CNTNAP5: variants seen among roughly 807,000 people sequenced by gnomAD.
The protein encoded by CNTNAP5 is contactin-associated protein-like 5.
A neutral mutation model predicts 150.2 loss-of-function variants in CNTNAP5; 72 were observed. The observed-to-expected ratio is 0.48, with a 90% CI of 0.40 to 0.58. CNTNAP5 has a LOEUF of 0.58. CNTNAP5 is among the 20% of genes least tolerant of loss of function. The pLI is 0.00. For synonymous variants in CNTNAP5, 672 were observed against 619.8 expected (o/e 1.08, Z -1.25); for missense variants, 1,636 against 1,626.2 (o/e 1.01, Z -0.10).
intron 11 of CNTNAP5, among the ~76,000 whole-genome samples, chr2:124,565,740 C>T (rs1215668528): frequency 6.6e-6 from 1 of 151,830 alleles, no homozygotes; most frequent in African/African-American, 2.4e-5. Context: ...GCTGGGACTA[C>T]AGGTGCCCAC....
chr2:124,638,182 TATATATGAG>T (rs1241873840), intron 12 of CNTNAP5, among the ~76,000 whole-genome samples: 2 of 149,926 alleles, frequency 1.3e-5, no homozygotes, highest in African/African-American at 4.9e-5. Context: ...ATATATATGA[TATATATGAG>T]ATATATATAA....
rs141835818 is a variant in CNTNAP5 at position 124,843,129 on chromosome 2, C to T, written c.3218-22177C>T. 2.7e-3 allele frequency among the ~76,000 whole-genome samples: 416 copies of T among 152,188 alleles called. 2 individuals are homozygous for T. Among genetic ancestry groups the T allele is most frequent in the African/African-American group, 9.7e-3 (403 of 41,550 alleles). ...CTTTGCATCATCATAGCTTAGCTCC[C>T]ACTTATAAGTGAGAACATACAATGT... On this transcript the variant is annotated intron_variant, in intron 19 of 23. Transcript: ENST00000682447.
intron 2 of CNTNAP5, among the ~76,000 whole-genome samples, chr2:124,222,028 C>T (rs1212799722): frequency 1.3e-5 from 2 of 152,010 alleles, no homozygotes; most frequent in African/African-American, 4.8e-5. Context: ...TCACAGTATC[C>T]TTTTTTGATT....
At chr2:124,110,716 A>G (rs1157045891) in intron 1 of CNTNAP5, among the ~76,000 whole-genome samples, 1 of 152,222 alleles carries the variant, frequency 6.6e-6, no homozygotes, top group Admixed American at 6.5e-5. Context: ...TCCGAGGGCC[A>G]CACAACCTGT....
At chr2:124,197,888 G>A (rs1685627600) in intron 1 of CNTNAP5, among the ~76,000 whole-genome samples, 1 of 152,020 alleles carries the variant, frequency 6.6e-6, no homozygotes, top group Non-Finnish European at 1.5e-5. Context: ...GGCTGAGGCA[G>A]GAGAATGGCG....
chr2:124,498,127 G>T (rs1435959238), intron 7 of CNTNAP5, among the ~76,000 whole-genome samples: 1 of 152,182 alleles, frequency 6.6e-6, no homozygotes, highest in Non-Finnish European at 1.5e-5. Context: ...ATTTCCATCA[G>T]CATATGGCAC....
intron 1 of CNTNAP5, among the ~76,000 whole-genome samples, chr2:124,033,953 G>C (rs759526912): frequency 6.6e-6 from 1 of 152,138 alleles, no homozygotes; most frequent in Non-Finnish European, 1.5e-5. Context: ...ATAGTACTGG[G>C]TATCTGGAAA....
chr2:124,051,211 TACAC>T (rs765796948), intron 1 of CNTNAP5, among the ~76,000 whole-genome samples: 3 of 151,718 alleles, frequency 2.0e-5, no homozygotes, highest in Non-Finnish European at 2.9e-5. Flanking sequence ...AAAAAAAAAA[TACAC>T]ACAAACAGTT....
intron 1 of CNTNAP5, among the ~76,000 whole-genome samples, chr2:124,118,438 T>C (rs1683481198): frequency 6.6e-6 from 1 of 152,140 alleles, no homozygotes; most frequent in African/African-American, 2.4e-5. Flanking sequence ...ATTGAAGGGA[T>C]AGTAAAGAGG....
chr2:124,878,875 G>A (rs536011721), intron 21 of CNTNAP5, among the ~76,000 whole-genome samples: 2 of 151,808 alleles, frequency 1.3e-5, no homozygotes, highest in South Asian at 4.2e-4. Context: ...TAGAGATGGG[G>A]TTTCACCATG....
chr2:124,345,467 T>C (rs1272149896), intron 3 of CNTNAP5, among the ~76,000 whole-genome samples: 1 of 152,080 alleles, frequency 6.6e-6, no homozygotes, highest in Non-Finnish European at 1.5e-5. Context: ...GTCATTAGTA[T>C]GGGGGAGGAA....
Position 124,585,669 on chromosome 2 carries a change from C to CTTTT in CNTNAP5, c.1756+22367_1756+22370dup, listed in dbSNP as rs33978614. ...ACAGTGAGTCAGGGAGAGCTTGAAG[C>CTTTT]TTTTTTTTTTTTTTTTTTTTTTTTG... On this transcript the variant is annotated intron_variant, in intron 11 of 23. Coordinates refer to ENST00000682447, the MANE Select transcript of CNTNAP5 (RefSeq NM_001367498.1). Among the ~76,000 whole-genome samples, 356 of 66,368 alleles carry CTTTT rather than the reference C, an allele frequency of 5.4e-3. 6 individuals are homozygous for CTTTT. The highest frequency in any genetic ancestry group is 7.5e-3 in the South Asian group (10 of 1,328). 43.5% of individuals were successfully genotyped at this position (66,368 alleles called of 152,430 possible).
intron 21 of CNTNAP5, among the ~76,000 whole-genome samples, chr2:124,884,081 C>T (rs1437919253): frequency 6.6e-6 from 1 of 151,922 alleles, no homozygotes; most frequent in Non-Finnish European, 1.5e-5. Context: ...GCATATCTGT[C>T]ATGTATGTCT....
chr2:124,251,360 T>C (rs1687171460), intron 3 of CNTNAP5, among the ~76,000 whole-genome samples: 1 of 151,570 alleles, frequency 6.6e-6, no homozygotes, highest in Admixed American at 6.6e-5. Flanking sequence ...TAACCTTGAA[T>C]ACTGTGGGTG....
intron 21 of CNTNAP5, among the ~76,000 whole-genome samples, chr2:124,895,055 A>G (rs1256911698): frequency 1.3e-5 from 2 of 151,550 alleles, no homozygotes; most frequent in Non-Finnish European, 2.9e-5. Context: ...TGAAAAATTA[A>G]TTTAGCCAGG....
chr2:124,634,507 T>C (rs975655603), intron 12 of CNTNAP5, among the ~76,000 whole-genome samples: 2 of 152,078 alleles, frequency 1.3e-5, no homozygotes, highest in Admixed American at 1.3e-4. Flanking sequence ...TGTGTGTGTG[T>C]ATACATATAT....
chr2:124,264,832 T>C (rs1362540052), intron 3 of CNTNAP5, among the ~76,000 whole-genome samples: 2 of 152,232 alleles, frequency 1.3e-5, no homozygotes, highest in Non-Finnish European at 2.9e-5. Flanking sequence ...TGGAATGCTC[T>C]GCTACTATGC....
chr2:124,729,642 G>C (rs1002850095), intron 13 of CNTNAP5, among the ~76,000 whole-genome samples: 3 of 151,938 alleles, frequency 2.0e-5, no homozygotes, highest in Non-Finnish European at 4.4e-5. Flanking sequence ...CAAAAATAAT[G>C]GTACGACCAA....
At chr2:124,519,841 G>A (rs897195260) in intron 8 of CNTNAP5, among the ~76,000 whole-genome samples, 9 of 152,096 alleles carry the variant, frequency 5.9e-5, no homozygotes, top group East Asian at 1.9e-4. Context: ...CTAGGAAAGC[G>A]CAGGGCAGCC....
Sources: gnomAD v4.1 joint callset for allele counts (sites outside exome capture counted in the v4.1 genomes callset) on GRCh38, gnomAD v4.1.1 for gene constraint, MANE v1.5 for transcripts, NCBI Gene and HGNC (gene_info 2026-07-23, HGNC 2026-07-21) for gene names.